PRKD1: variants seen among roughly 807,000 people sequenced by gnomAD.
PRKD1 encodes serine/threonine-protein kinase D1.
PRKD1 carries 63 observed loss-of-function variants against 95.9 expected under a neutral mutation model. That is an observed-to-expected ratio of 0.66 (90% CI 0.54 to 0.81). The LOEUF is 0.81. Among genes scored for constraint, PRKD1 ranks in the 30% least tolerant of loss-of-function variants. PRKD1 has a pLI of 0.00. For missense variants in PRKD1, 1,048 were observed against 1,165.3 expected (o/e 0.90, Z 1.47); for synonymous variants, 425 against 423.1 (o/e 1.00, Z -0.05).
intron 1 of PRKD1, among the ~76,000 whole-genome samples, chr14:29,864,946 C>T (rs950674955): frequency 6.6e-6 from 1 of 152,114 alleles, no homozygotes; most frequent in South Asian, 2.1e-4. Context: ...GGTTTTCCCC[C>T]CAAATAGCTG....
chr14:29,868,375 T>A (rs571371061), intron 1 of PRKD1, among the ~76,000 whole-genome samples: 1 of 152,334 alleles, frequency 6.6e-6, no homozygotes, highest in Non-Finnish European at 1.5e-5. Flanking sequence ...ATGCAAAAGA[T>A]GTCTCTTCTG....
chr14:29,605,590 A>T (rs1459044645), intron 13 of PRKD1, among the ~76,000 whole-genome samples: 1 of 152,146 alleles, frequency 6.6e-6, no homozygotes, highest in Non-Finnish European at 1.5e-5. Flanking sequence ...ATCCCCTTTC[A>T]TAACACTTAT....
In PRKD1 at chr14:29,624,151, C is replaced by A; in HGVS notation, c.1905+1G>T. On this transcript the variant is annotated splice_donor_variant, in intron 13 of 17. Coordinates refer to ENST00000331968, the MANE Select transcript of PRKD1 (RefSeq NM_002742.3). LOFTEE classifies it high-confidence loss of function. ...TCCCCAAATGAGAACCAAAGAAGTA[C>A]CTGTAGAATTGCAACCTCATTACGA... 1 of 1,585,600 alleles carries A rather than the reference C, an allele frequency of 6.3e-7. No individual in the cohort carries two copies. The highest frequency in any genetic ancestry group is 8.6e-7 in the Non-Finnish European group (1 of 1,163,670).
intron 1 of PRKD1, among the ~76,000 whole-genome samples, chr14:29,817,572 T>G (rs1190461162): frequency 6.6e-6 from 1 of 152,182 alleles, no homozygotes; most frequent in African/African-American, 2.4e-5. Context: ...ACTCAATAAA[T>G]CCTCGTGACC....
At chr14:29,659,298 T>C (rs1416827216) in intron 4 of PRKD1, among the ~76,000 whole-genome samples, 1 of 152,216 alleles carries the variant, frequency 6.6e-6, no homozygotes, top group Non-Finnish European at 1.5e-5. Context: ...TTTTGTGAGA[T>C]TCAACAATGT....
At chr14:29,590,413 C>T (rs975913803) in intron 16 of PRKD1, among the ~76,000 whole-genome samples, 1 of 152,080 alleles carries the variant, frequency 6.6e-6, no homozygotes, top group African/African-American at 2.4e-5. Flanking sequence ...CTTTGATGGT[C>T]AAATTGTATG....
At chr14:29,752,023 T>C (rs1158743089) in intron 1 of PRKD1, among the ~76,000 whole-genome samples, 1 of 152,206 alleles carries the variant, frequency 6.6e-6, no homozygotes. Flanking sequence ...ATATTTGCTG[T>C]TTCCTTTTCA....
intron 13 of PRKD1, among the ~76,000 whole-genome samples, chr14:29,609,193 T>G (rs1878242695): frequency 6.6e-6 from 1 of 152,158 alleles, no homozygotes; most frequent in African/African-American, 2.4e-5. Flanking sequence ...GTGCCACTAA[T>G]TAGCAGAGAT....
chr14:29,611,779 T>G (rs1566485398), intron 13 of PRKD1, among the ~76,000 whole-genome samples: 2 of 148,478 alleles, frequency 1.3e-5, no homozygotes, highest in Non-Finnish European at 1.5e-5. Flanking sequence ...GGAATCTACA[T>G]GAAGCTGTTT....
chr14:29,700,986 G>GCACACACACACACACACACACACACACA (rs779729017), intron 2 of PRKD1, among the ~76,000 whole-genome samples: 50 of 52,330 alleles, frequency 9.6e-4, no homozygotes, highest in African/African-American at 3.1e-3. Flanking sequence ...GCGCGCGCGC[G>GCACACACACACACACACACACACACACA]CGCACACACA....
rs12882582 is a variant in PRKD1, at chr14:29,612,418, T to C, written c.1905+11734A>G. Among the ~76,000 whole-genome samples the C allele has an allele frequency of 8.2e-4, 125 of 152,260 alleles. 1 individual carries two copies. Among genetic ancestry groups the C allele is most frequent in the Non-Finnish European group, 1.4e-3 (95 of 68,020 alleles). ...CAAAAGACTAGCGTTCTTTGAAAAATATGCTGGGAAATAATGATTTTTAAA... is the reference window on the plus strand; with the variant it reads ...CAAAAGACTAGCGTTCTTTGAAAAACATGCTGGGAAATAATGATTTTTAAA... On this transcript the variant is annotated intron_variant, in intron 13 of 17. Transcript: ENST00000331968.
At chr14:29,726,759 G>A (rs1252068465) in intron 1 of PRKD1, among the ~76,000 whole-genome samples, 1 of 150,816 alleles carries the variant, frequency 6.6e-6, no homozygotes, top group East Asian at 1.9e-4. Context: ...AACTATTTCT[G>A]CATGTCACTT....
At chr14:29,749,116 C>A (rs369970028) in intron 1 of PRKD1, among the ~76,000 whole-genome samples, 111 of 152,170 alleles carry the variant, frequency 7.3e-4, no homozygotes, top group African/African-American at 2.6e-3. Flanking sequence ...TCAAACTTTC[C>A]ATTACATATA....
At chr14:29,847,227 A>C (rs368360840) in intron 1 of PRKD1, among the ~76,000 whole-genome samples, 78 of 152,190 alleles carry the variant, frequency 5.1e-4, no homozygotes, top group African/African-American at 1.8e-3. Flanking sequence ...CACTGCATAT[A>C]TTACCACAGT....
At chr14:29,655,100 G>A (rs973669807) in intron 4 of PRKD1, among the ~76,000 whole-genome samples, 1 of 152,188 alleles carries the variant, frequency 6.6e-6, no homozygotes, top group Non-Finnish European at 1.5e-5. Flanking sequence ...GTGGGAGAAG[G>A]AAGTGAAAAA....
At chr14:29,628,972 C>A in intron 11 of PRKD1, 69 bp downstream of exon 11, 1 of 1,137,412 alleles carries the variant, frequency 8.8e-7, no homozygotes, top group East Asian at 2.8e-5. Context: ...ATTAAAAAAA[C>A]TATTTTATGA....
intron 1 of PRKD1, among the ~76,000 whole-genome samples, chr14:29,834,951 C>T (rs1891554173): frequency 6.6e-6 from 1 of 152,138 alleles, no homozygotes; most frequent in Non-Finnish European, 1.5e-5. Flanking sequence ...TCCTATTACA[C>T]AGCTAAAGAG....
At chr14:29,895,919 T>C (rs1270075908) in intron 1 of PRKD1, among the ~76,000 whole-genome samples, 2 of 152,212 alleles carry the variant, frequency 1.3e-5, no homozygotes, top group Non-Finnish European at 2.9e-5. Context: ...TTTTTACTTT[T>C]ATAGATAGCA....
chr14:29,894,171 G>A (rs964248391), intron 1 of PRKD1, among the ~76,000 whole-genome samples: 2 of 152,208 alleles, frequency 1.3e-5, no homozygotes, highest in Non-Finnish European at 2.9e-5. Context: ...ATGGGAGGTG[G>A]AGGAAAAGTG....
Sources: allele counts gnomAD v4.1 joint callset (sites outside exome capture counted in the v4.1 genomes callset), GRCh38; gene constraint gnomAD v4.1.1; transcripts MANE v1.5; gene names NCBI Gene and HGNC (gene_info 2026-07-23, HGNC 2026-07-21).